TENM3: variants seen among roughly 807,000 people sequenced by gnomAD.
TENM3 encodes the protein teneurin-3.
In TENM3, 63 loss-of-function variants were observed where a neutral mutation model predicts 255.1. The observed-to-expected ratio is 0.25, with a 90% confidence interval of 0.20 to 0.30. The LOEUF (loss-of-function observed/expected upper bound fraction) is 0.30. Among genes scored for constraint, TENM3 ranks in the 10% least tolerant of loss-of-function variants. The pLI is 1.00. For synonymous variants in TENM3, 1,306 were observed against 1,322.3 expected, an observed-to-expected ratio of 0.99 and a Z score of 0.27; for missense variants, 2,929 against 3,461.1, an observed-to-expected ratio of 0.85 and a Z score of 3.86.
chr4:181,659,296 C>T, the TENM3 span, among the ~76,000 whole-genome samples: 1 of 152,034 alleles, frequency 6.6e-6, no homozygotes, highest in African/African-American at 2.4e-5. Context: ...TGGGCCAGTT[C>T]CTCCTCTTAC....
chr4:181,855,781 A>G, the TENM3 span, among the ~76,000 whole-genome samples: 18 of 152,136 alleles, frequency 1.2e-4, no homozygotes, highest in African/African-American at 2.9e-4. Flanking sequence ...TGCTATGAAG[A>G]AAGAAAGAAA....
chr4:182,167,250 A>G (rs564003670), intron 1 of TENM3, among the ~76,000 whole-genome samples: 2 of 152,338 alleles, frequency 1.3e-5, no homozygotes, highest in East Asian at 3.9e-4. Flanking sequence ...CATCTGGTGT[A>G]CAAAATGAAG....
At chr4:182,174,502 T>TCACACACACA (rs71605053) in intron 1 of TENM3, among the ~76,000 whole-genome samples, 2,637 of 137,616 alleles carry the variant, frequency 0.019, 40 homozygotes, top group Middle Eastern at 0.025. Flanking sequence ...AGCTACTAAT[T>TCACACACACA]CACACACACA....
At chr4:182,533,220 AC>A (rs1231762190) in intron 3 of TENM3, among the ~76,000 whole-genome samples, 1 of 152,110 alleles carries the variant, frequency 6.6e-6, no homozygotes, top group African/African-American at 2.4e-5. Context: ...AGTACTCTTT[AC>A]TTTCTTATGA....
At chr4:181,982,588 T>A in the TENM3 span, among the ~76,000 whole-genome samples, 1 of 152,112 alleles carries the variant, frequency 6.6e-6, no homozygotes, top group East Asian at 1.9e-4. Flanking sequence ...CAGCAGTAAT[T>A]TACTAAATTG....
At chr4:181,460,545 C>A in the TENM3 span, among the ~76,000 whole-genome samples, 1 of 151,696 alleles carries the variant, frequency 6.6e-6, no homozygotes, top group African/African-American at 2.4e-5. Context: ...GTGAAAATCT[C>A]CTAATTTACT....
the TENM3 span, among the ~76,000 whole-genome samples, chr4:181,700,613 T>A: frequency 6.6e-6 from 1 of 152,226 alleles, no homozygotes; most frequent in Admixed American, 6.5e-5. Context: ...AAGATGATCA[T>A]CTTTTCCCTT....
chr4:182,140,352 G>A (rs1319759235), upstream of TENM3, among the ~76,000 whole-genome samples: 1 of 152,048 alleles, frequency 6.6e-6, no homozygotes, highest in Non-Finnish European at 1.5e-5. Context: ...GGGCATATGT[G>A]GGTTATTGGC....
At chr4:181,582,780 G>C in the TENM3 span, among the ~76,000 whole-genome samples, 978 of 152,210 alleles carry the variant, frequency 6.4e-3, 10 homozygotes, top group African/African-American at 0.022. Flanking sequence ...GGCTGCACAA[G>C]GACTGCCCCC....
At chr4:182,480,487 T>G (rs1025875180) in intron 3 of TENM3, among the ~76,000 whole-genome samples, 5 of 152,086 alleles carry the variant, frequency 3.3e-5, no homozygotes, top group African/African-American at 1.2e-4. Flanking sequence ...AAAGAATTGT[T>G]TTTGAAATAC....
intron 6 of TENM3, among the ~76,000 whole-genome samples, chr4:182,669,297 T>C (rs972734589): frequency 6.7e-6 from 1 of 149,238 alleles, no homozygotes; most frequent in Non-Finnish European, 1.5e-5. Context: ...TGAGATGGAG[T>C]CTCACTCTGT....
chr4:182,383,984 C>T lies in TENM3; in HGVS notation c.511+37055C>T, dbSNP rs187837319. ...CATGCACAGTGTATATTCTTGAGCT[C>T]ATGCCAGGCTCTCCCCGCTTCGGTC... On this transcript the variant is annotated intron_variant, in intron 3 of 27. Transcript: ENST00000511685. Among the ~76,000 whole-genome samples the T allele has an allele frequency of 1.6e-3, 241 of 152,304 alleles. 2 individuals are homozygous for T. Among genetic ancestry groups the T allele is most frequent in the Non-Finnish European group, 2.9e-3 (194 of 68,030 alleles).
chr4:182,039,991 G>A, the TENM3 span, among the ~76,000 whole-genome samples: 2 of 86,116 alleles, frequency 2.3e-5, no homozygotes, highest in East Asian at 4.2e-4. Flanking sequence ...TAGGAGGGGA[G>A]GGGAAGGCAG....
At chr4:182,752,074 A>G in intron 20 of TENM3, 42 bp downstream of exon 20, 1 of 474,024 alleles carries the variant, frequency 2.1e-6, no homozygotes, top group East Asian at 5.7e-5. Flanking sequence ...TTTATTTATT[A>G]AAAAAAAAAA....
chr4:182,082,985 A>G, the TENM3 span, among the ~76,000 whole-genome samples: 1 of 152,336 alleles, frequency 6.6e-6, no homozygotes, highest in African/African-American at 2.4e-5. Context: ...AGAAAGTGAC[A>G]GTCAATTTAA....
In TENM3 at chr4:182,623,777, GCTCT is replaced by G. The variant is rs1750533253; in HGVS notation, c.750-4871_750-4868del. The stretch of plus-strand genomic sequence containing the variant: ...CTCCACTAAGACATCTAGTTTTCAT[GCTCT>G]CTGTCTTTTCCTAATCCTCCTGATA... On this transcript the variant is annotated intron_variant, in intron 4 of 27. Transcript: ENST00000511685. Among the ~76,000 whole-genome samples, 4 of 152,100 alleles carry G rather than the reference GCTCT, an allele frequency of 2.6e-5. No individual in the cohort carries two copies. In the South Asian group the frequency reaches 8.3e-4, roughly 32 times the overall value.
the TENM3 span, among the ~76,000 whole-genome samples, chr4:181,605,561 AG>A: frequency 3.3e-5 from 1 of 29,998 alleles, no homozygotes; most frequent in Non-Finnish European, 1.1e-4. Flanking sequence ...AAAGAAAGAA[AG>A]AAAGAAAGAG....
At chr4:181,972,436 CAAAAAAAAAA>C in the TENM3 span, among the ~76,000 whole-genome samples, 1 of 115,164 alleles carries the variant, frequency 8.7e-6, no homozygotes, top group African/African-American at 3.2e-5. Flanking sequence ...CCTCCTTGTC[CAAAAAAAAAA>C]AAAAAAAAAA....
At chr4:182,437,811 AT>A (rs1212946561) in intron 3 of TENM3, among the ~76,000 whole-genome samples, 3 of 130,706 alleles carry the variant, frequency 2.3e-5, no homozygotes, top group African/African-American at 2.5e-5. Flanking sequence ...AAAAAAAAAA[AT>A]ATCTGGGCGG....
Sources: allele counts gnomAD v4.1 joint callset (sites outside exome capture counted in the v4.1 genomes callset), GRCh38; gene constraint gnomAD v4.1.1; transcripts MANE v1.5; gene names NCBI Gene and HGNC (gene_info 2026-07-23, HGNC 2026-07-21).